The following NOVA1 variants were observed in gnomAD, a reference collection of about 807,000 sequenced individuals.
The protein encoded by NOVA1 is NOVA alternative splicing regulator 1, also known as RNA-binding protein Nova-1.
In NOVA1, 7 loss-of-function variants were observed where a neutral mutation model predicts 38.0. The ratio of observed to expected loss-of-function variants is 0.18; its 90% CI spans 0.10 to 0.35. NOVA1 has a LOEUF of 0.35. Among genes scored for constraint, NOVA1 ranks in the 10% least tolerant of loss-of-function variants. NOVA1 has a pLI of 1.00. For synonymous variants in NOVA1, 270 were observed against 232.5 expected (o/e 1.16, Z -1.47); for missense variants, 460 against 616.0 (o/e 0.75, Z 2.68).
chr14:26,596,439 C>T lies in NOVA1; in HGVS notation c.136+862G>A, dbSNP rs1335814013. On this transcript the variant is annotated intron_variant, in intron 1 of 4. Coordinates refer to ENST00000539517, the MANE Select transcript of NOVA1 (RefSeq NM_002515.3). ...CTCCACAAACTTTAATTTCCGTCAACTTGATCACATCTTATACAGGAGACA... is the reference window on the plus strand; with the variant it reads ...CTCCACAAACTTTAATTTCCGTCAATTTGATCACATCTTATACAGGAGACA... The T allele has an allele frequency of 7.7e-6, 6 of 775,908 alleles. 1 individual carries two copies. Among genetic ancestry groups the T allele is most frequent in the East Asian group, 1.5e-4 (2 of 13,350 alleles). 48.1% of individuals were successfully genotyped at this position (775,908 alleles called of 1,614,324 possible).
rs200388361 is a variant in NOVA1 at position 26,579,523 on chromosome 14, T to TA, written c.280+15886dup. Among the ~76,000 whole-genome samples, 211 of 152,296 alleles carry TA rather than the reference T, an allele frequency of 1.4e-3. 3 individuals carry two copies. In the East Asian group the frequency reaches 0.038, roughly 28 times the overall value. On this transcript the variant is annotated intron_variant, in intron 2 of 4. Transcript: ENST00000539517. ...AGTCACGCAAAACAAAAATCATACTTACAGTTAGTTGATCTTGCAATAGTA... is the reference window on the plus strand; with the variant it reads ...AGTCACGCAAAACAAAAATCATACTTAACAGTTAGTTGATCTTGCAATAGTA...
At chr14:26,504,249 A>G (rs1031083203) in intron 2 of NOVA1, among the ~76,000 whole-genome samples, 1 of 152,176 alleles carries the variant, frequency 6.6e-6, no homozygotes, top group African/African-American at 2.4e-5. Context: ...ACATCTGGAC[A>G]CCATAAAATT....
intron 2 of NOVA1, among the ~76,000 whole-genome samples, chr14:26,580,737 T>C (rs940825782): frequency 2.0e-5 from 3 of 151,880 alleles, no homozygotes; most frequent in Non-Finnish European, 4.4e-5. Context: ...ATTATTTATA[T>C]TAATTATCTT....
chr14:26,575,674 T>C (rs907931055), intron 2 of NOVA1, among the ~76,000 whole-genome samples: 1 of 152,128 alleles, frequency 6.6e-6, no homozygotes, highest in African/African-American at 2.4e-5. Flanking sequence ...AGATTTATTT[T>C]GTCTTATTCT....
At chr14:26,454,664 C>G (rs1883006841) in intron 4 of NOVA1, among the ~76,000 whole-genome samples, 1 of 152,068 alleles carries the variant, frequency 6.6e-6, no homozygotes, top group African/African-American at 2.4e-5. Context: ...CAAAAAGTAC[C>G]TTTGAAAATA....
In NOVA1 at chr14:26,523,986, C is replaced by G. The variant is rs542592493; in HGVS notation, c.281-43843G>C. Among the ~76,000 whole-genome samples, 211 of 152,148 alleles carry G rather than the reference C, an allele frequency of 1.4e-3. 1 individual carries two copies. The highest frequency in any genetic ancestry group is 2.5e-3 in the Non-Finnish European group (172 of 67,982). ...CGGGATGGCCTCGATCTCCTGACCT[C>G]GTGATCTGCCCGCCTTGGCCTCCCA... On this transcript the variant is annotated intron_variant, in intron 2 of 4. Transcript: ENST00000539517.
chr14:26,521,671 TA>T (rs1353238565), intron 2 of NOVA1, among the ~76,000 whole-genome samples: 2 of 152,046 alleles, frequency 1.3e-5, no homozygotes, highest in African/African-American at 4.8e-5. Flanking sequence ...AAAGATATAA[TA>T]GTATGAAAAT....
intron 2 of NOVA1, among the ~76,000 whole-genome samples, chr14:26,563,738 A>AT (rs990685152): frequency 6.6e-6 from 1 of 152,138 alleles, no homozygotes; most frequent in Non-Finnish European, 1.5e-5. Context: ...AAAACAAAGG[A>AT]TTAAAAAAAG....
At chr14:26,579,547 T>C (rs554176844) in intron 2 of NOVA1, among the ~76,000 whole-genome samples, 224 of 152,314 alleles carry the variant, frequency 1.5e-3, no homozygotes, top group African/African-American at 4.8e-3. Flanking sequence ...CTTGCAATAG[T>C]ATTACATGAA....
chr14:26,496,627 G>C (rs529229440), intron 2 of NOVA1, among the ~76,000 whole-genome samples: 126 of 152,250 alleles, frequency 8.3e-4, no homozygotes, highest in Non-Finnish European at 8.1e-4. Context: ...ATGGTTTTAG[G>C]TCTAACGTTT....
chr14:26,533,394 T>G (rs1889859086), intron 2 of NOVA1, among the ~76,000 whole-genome samples: 1 of 152,174 alleles, frequency 6.6e-6, no homozygotes, highest in Admixed American at 6.5e-5. Context: ...GCCATCAGAA[T>G]AATCTTTTAA....
intron 4 of NOVA1, among the ~76,000 whole-genome samples, chr14:26,462,357 T>C (rs1476030462): frequency 6.6e-6 from 1 of 151,960 alleles, no homozygotes; most frequent in African/African-American, 2.4e-5. Flanking sequence ...AATTAACACT[T>C]GAAAAAAAAG....
intron 2 of NOVA1, among the ~76,000 whole-genome samples, chr14:26,482,063 A>G (rs1342197777): frequency 6.6e-6 from 1 of 151,464 alleles, no homozygotes; most frequent in Non-Finnish European, 1.5e-5. Context: ...TGTCAATAAA[A>G]TTCTGATAAT....
At chr14:26,543,839 C>T (rs916732936) in intron 2 of NOVA1, among the ~76,000 whole-genome samples, 1 of 151,978 alleles carries the variant, frequency 6.6e-6, no homozygotes, top group Non-Finnish European at 1.5e-5. Context: ...ATCATCTAGG[C>T]TACAGTTGGT....
intron 2 of NOVA1, among the ~76,000 whole-genome samples, chr14:26,508,413 TATAA>T (rs1955699901): frequency 6.6e-6 from 1 of 152,086 alleles, no homozygotes; most frequent in Non-Finnish European, 1.5e-5. Context: ...CACAAATTTC[TATAA>T]ATATTCATGA....
rs79177916 is a variant in NOVA1 at position 26,477,426 on chromosome 14, T to C, written c.447+2551A>G. ...ACAAGATCTAATATATCAAGTTATATATAAGGCCATTGTGCTAAATTTCAT... is the reference window on the plus strand; with the variant it reads ...ACAAGATCTAATATATCAAGTTATACATAAGGCCATTGTGCTAAATTTCAT... On this transcript the variant is annotated intron_variant, in intron 3 of 4. Transcript: ENST00000539517. Among the ~76,000 whole-genome samples, 1,101 of 152,234 alleles carry C rather than the reference T, an allele frequency of 7.2e-3. 13 individuals are homozygous for C. The highest frequency in any genetic ancestry group is 0.024 in the African/African-American group (990 of 41,552).
In NOVA1 at chr14:26,448,934, T is replaced by A. The variant is rs1882369580; in HGVS notation, c.549A>T (p.Ala183=). ...CACCTCCCTTCCCTATTATCAGACC[T>A]GCTGTGCTGTTGGGAACTATAATCT... ...QVKIIVPNST[A]GLIIGKGGAT... is the part of the protein sequence containing the mutation. The change falls in exon 5 of 5, where the codon GCA becomes GCT. Residue 183 remains alanine (A), a synonymous_variant. Coordinates refer to ENST00000539517, the MANE Select transcript of NOVA1 (RefSeq NM_002515.3). The surrounding 1 kb of genome is among the most constrained non-coding windows in gnomAD (Gnocchi z 5.3). The A allele has an allele frequency of 6.2e-7, 1 of 1,613,700 alleles. No individual in the cohort carries two copies. Among genetic ancestry groups the A allele is most frequent in the Non-Finnish European group, 8.5e-7 (1 of 1,179,768 alleles).
At chr14:26,461,719 G>T (rs528620218) in intron 4 of NOVA1, among the ~76,000 whole-genome samples, 1 of 148,758 alleles carries the variant, frequency 6.7e-6, no homozygotes, top group African/African-American at 2.5e-5. Context: ...ACCTGAGGTC[G>T]AGAGTTCAAG....
At chr14:26,549,050 G>A (rs1891002408) in intron 2 of NOVA1, among the ~76,000 whole-genome samples, 1 of 152,092 alleles carries the variant, frequency 6.6e-6, no homozygotes, top group African/African-American at 2.4e-5. Context: ...TTTGATACTT[G>A]CAAGGCTGAG....
Sources: allele counts gnomAD v4.1 joint callset (sites outside exome capture counted in the v4.1 genomes callset), GRCh38; gene constraint gnomAD v4.1.1; non-coding constraint Gnocchi (gnomAD v3.1); transcripts MANE v1.5; gene names NCBI Gene and HGNC (gene_info 2026-07-23, HGNC 2026-07-21).